RFX3: variants seen among roughly 807,000 people sequenced by gnomAD.
The protein encoded by RFX3 is regulatory factor X3.
Under a neutral mutation model 98.6 loss-of-function variants are expected in RFX3, and 14 were observed. The ratio of observed to expected loss-of-function variants is 0.14; its 90% CI spans 0.09 to 0.22. The LOEUF (loss-of-function observed/expected upper bound fraction) is 0.22. Among genes scored for constraint, RFX3 ranks in the 10% least tolerant of loss-of-function variants. The pLI is 1.00. For missense variants in RFX3, 639 were observed against 926.9 expected (o/e 0.69, Z 4.03); for synonymous variants, 383 against 328.4 (o/e 1.17, Z -1.80).
chr9:3,438,233 T>C (rs1293977913), intron 1 of RFX3, among the ~76,000 whole-genome samples: 1 of 152,132 alleles, frequency 6.6e-6, no homozygotes, highest in Non-Finnish European at 1.5e-5. Flanking sequence ...TTAAGTATTA[T>C]GGCAAATGCA....
At chr9:3,350,217 T>C (rs1345639691) in intron 2 of RFX3, among the ~76,000 whole-genome samples, 2 of 152,108 alleles carry the variant, frequency 1.3e-5, no homozygotes, top group African/African-American at 2.4e-5. Context: ...GCAATACTGA[T>C]CTGATTAAGG....
At chr9:3,347,110 C>G (rs1490767762) in intron 2 of RFX3, among the ~76,000 whole-genome samples, 3 of 152,156 alleles carry the variant, frequency 2.0e-5, no homozygotes, top group African/African-American at 7.2e-5. Context: ...TGCCTGAGCT[C>G]AGGAGTTCAA....
intron 11 of RFX3, among the ~76,000 whole-genome samples, chr9:3,267,033 G>C (rs1190265865): frequency 6.6e-6 from 1 of 151,914 alleles, no homozygotes; most frequent in African/African-American, 2.4e-5. Context: ...AGATTTTACG[G>C]TGGTCATAAA....
chr9:3,310,899 T>C (rs1829878821), intron 4 of RFX3, among the ~76,000 whole-genome samples: 1 of 152,158 alleles, frequency 6.6e-6, no homozygotes. Flanking sequence ...AATCAAAATT[T>C]GCTAAATGAT....
intron 1 of RFX3, among the ~76,000 whole-genome samples, chr9:3,490,805 T>C (rs994289979): frequency 6.6e-6 from 1 of 152,080 alleles, no homozygotes; most frequent in Non-Finnish European, 1.5e-5. Context: ...TAAAAATAAT[T>C]TAGTTTTATA....
chr9:3,421,952 C>T (rs1247139809), intron 1 of RFX3, among the ~76,000 whole-genome samples: 4 of 151,610 alleles, frequency 2.6e-5, no homozygotes, highest in Admixed American at 6.6e-5. Context: ...AGAGACTGTG[C>T]TCTTCTATAT....
chr9:3,421,321 T>C (rs1436243047), intron 1 of RFX3, among the ~76,000 whole-genome samples: 1 of 152,182 alleles, frequency 6.6e-6, no homozygotes, highest in Non-Finnish European at 1.5e-5. Flanking sequence ...GAAACCCCTA[T>C]TGATTAAATG....
chr9:3,277,440 C>T lies in RFX3; in HGVS notation c.873G>A (p.Val291=). ...CTGTGAAACCATCTGCAACCCCATC[C>T]ACTTTCTGCATAGGCTTGTACCTAA... is the stretch of plus-strand genomic sequence containing the variant. ...QKQRYKPMQK[V]DGVADGFTGS... Residue 291 remains valine, a synonymous_variant, in exon 8 of 17, where the codon GTG becomes GTA. Coordinates refer to ENST00000617270, the MANE Select transcript of RFX3 (RefSeq NM_001282116.2). The T allele has an allele frequency of 6.2e-7, 1 of 1,612,296 alleles. No homozygotes were observed.
chr9:3,229,604 G>C (rs1023672187), intron 15 of RFX3, among the ~76,000 whole-genome samples: 2 of 152,156 alleles, frequency 1.3e-5, no homozygotes, highest in African/African-American at 4.8e-5. Flanking sequence ...GAGAATCTCA[G>C]GGTGAACAAA....
intron 1 of RFX3, among the ~76,000 whole-genome samples, chr9:3,396,304 C>T (rs978508116): frequency 2.6e-5 from 4 of 151,788 alleles, no homozygotes; most frequent in Admixed American, 6.6e-5. Context: ...GGTTTTTTGT[C>T]CTTGCAATAG....
At chr9:3,415,152 T>C (rs1842874372) in intron 1 of RFX3, among the ~76,000 whole-genome samples, 1 of 139,176 alleles carries the variant, frequency 7.2e-6, no homozygotes, top group Non-Finnish European at 1.5e-5. Flanking sequence ...ATACTATATA[T>C]ATTCTTATAT....
intron 1 of RFX3, among the ~76,000 whole-genome samples, chr9:3,413,214 C>A (rs1842608193): frequency 6.6e-6 from 1 of 151,752 alleles, no homozygotes; most frequent in Non-Finnish European, 1.5e-5. Context: ...TCAGCATCTT[C>A]CTAAGAAAAT....
At chr9:3,426,274 T>C (rs890961277) in intron 1 of RFX3, among the ~76,000 whole-genome samples, 3 of 152,162 alleles carry the variant, frequency 2.0e-5, no homozygotes. Flanking sequence ...ACATATAATG[T>C]ATGATGATCG....
intron 12 of RFX3, among the ~76,000 whole-genome samples, chr9:3,265,118 C>T (rs952089342): frequency 2.0e-5 from 3 of 151,534 alleles, no homozygotes; most frequent in South Asian, 4.2e-4. Flanking sequence ...GATGGACATG[C>T]TCTACACATA....
At position 3,377,669 on chromosome 9, in the gene RFX3, A is replaced by G. The variant is rs192721264; in HGVS notation, c.117+17803T>C. The stretch of plus-strand genomic sequence containing the variant: ...TCGTGGAAAATATAAAGCGATCTAA[A>G]TAACAGAAAGCAGACCAGTATTTTC... On this transcript the variant is annotated intron_variant, in intron 2 of 16. Coordinates refer to ENST00000617270, the MANE Select transcript of RFX3 (RefSeq NM_001282116.2). 7.9e-5 allele frequency among the ~76,000 whole-genome samples: 12 copies of G among 152,330 alleles called. No individual in the cohort carries two copies. In the East Asian group the frequency reaches 1.9e-3, roughly 24 times the overall value.
Position 3,222,308 on chromosome 9 carries a change from T to C in RFX3, c.*2734A>G, listed in dbSNP as rs1024694171. On this transcript the variant is annotated 3_prime_UTR_variant, in exon 17 of 17. Coordinates refer to ENST00000617270, the MANE Select transcript of RFX3 (RefSeq NM_001282116.2). ...CATAAAGGAGATCAGAATATTTTTA[T>C]TGAGTCAAGTTCAAATGTAATAATG... The C allele has an allele frequency of 2.0e-5, 3 of 152,160 alleles. No individual in the cohort carries two copies. Among genetic ancestry groups the C allele is most frequent in the Non-Finnish European group, 2.9e-5 (2 of 67,998 alleles). The allele number at this position is 152,160 out of a possible 1,614,324, so 9.4% of individuals were successfully genotyped here. A position where few individuals can be genotyped will look rare whatever the true frequency, so the allele number is the denominator to read the frequency against.
chr9:3,448,709 G>A (rs935483129), intron 1 of RFX3, among the ~76,000 whole-genome samples: 4 of 152,056 alleles, frequency 2.6e-5, no homozygotes, highest in Admixed American at 1.3e-4. Context: ...TTGTAAGGAA[G>A]GAATCTCACT....
chr9:3,327,209 A>G (rs1587086177), intron 4 of RFX3, among the ~76,000 whole-genome samples: 1 of 152,082 alleles, frequency 6.6e-6, no homozygotes, highest in South Asian at 2.1e-4. Context: ...AAAAAAAAAA[A>G]TCTTGATTTT....
chr9:3,260,678 A>G (rs1240599208), intron 13 of RFX3, among the ~76,000 whole-genome samples: 1 of 151,658 alleles, frequency 6.6e-6, no homozygotes, highest in East Asian at 1.9e-4. Flanking sequence ...AGGCAATATT[A>G]ACTTTTAATA....
Sources: allele counts gnomAD v4.1 joint callset (sites outside exome capture counted in the v4.1 genomes callset), GRCh38; gene constraint gnomAD v4.1.1; transcripts MANE v1.5; gene names NCBI Gene and HGNC (gene_info 2026-07-23, HGNC 2026-07-21).